STRN4: variants seen among roughly 807,000 people sequenced by gnomAD.
STRN4 encodes striatin 4, also known as striatin-4.
Under a neutral mutation model 77.9 loss-of-function variants are expected in STRN4, and 27 were observed. The observed-to-expected ratio is 0.35, with a 90% CI of 0.26 to 0.48. STRN4 has a LOEUF of 0.48. STRN4 is among the 20% of genes least tolerant of loss of function. The pLI is 0.99. For synonymous variants in STRN4, 466 were observed against 443.1 expected, an observed-to-expected ratio of 1.05 and a Z score of -0.65; for missense variants, 798 against 1,049.7, an observed-to-expected ratio of 0.76 and a Z score of 3.31.
At position 46,736,837 on chromosome 19, in the gene STRN4, C is replaced by T; in HGVS notation, c.525G>A (p.Arg175=). 1 of 1,613,080 alleles carries T rather than the reference C, an allele frequency of 6.2e-7. No homozygotes were observed. ...AGCACACTCACTGTCGGAGAAGCTGCCGCCCCTCCTTCCACACCAACGGGC... is the reference window on the plus strand; with the variant it reads ...AGCACACTCACTGTCGGAGAAGCTGTCGCCCCTCCTTCCACACCAACGGGC... ...ENSPLVWKEG[R]QLLRQYLEEV... Residue 175 remains arginine, a synonymous_variant, in exon 4 of 18, where the codon CGG becomes CGA. Transcript: ENST00000263280.
chr19:46,732,720 C>T (rs2054280221), intron 5 of STRN4: 1 of 353,886 alleles, frequency 2.8e-6, no homozygotes, highest in African/African-American at 2.1e-5. Flanking sequence ...CACGTGTGCT[C>T]CACTCCCTGC....
intron 4 of STRN4, among the ~76,000 whole-genome samples, chr19:46,734,362 A>G (rs1434178629): frequency 2.0e-5 from 3 of 152,188 alleles, no homozygotes; most frequent in Non-Finnish European, 2.9e-5. Context: ...TAGTATTACT[A>G]TTATTGTTTT....
chr19:46,733,365 A>G lies in STRN4; in HGVS notation c.540-129T>C, dbSNP rs2054294653. On this transcript the variant is annotated intron_variant, in intron 4 of 17. Coordinates refer to ENST00000263280, the MANE Select transcript of STRN4 (RefSeq NM_013403.3). This position sits in a 1 kb window ranked among gnomAD's most constrained non-coding sequence, Gnocchi z 4.3. The stretch of plus-strand genomic sequence containing the variant: ...GCATACACCAAAATCTGACATAAGC[A>G]CACCCTCGCTCCAGCAGTTCCCCGT... 1.2e-6 allele frequency: 1 copy of G among 801,794 alleles called. No homozygotes were observed. Among genetic ancestry groups the G allele is most frequent in the African/African-American group, 1.7e-5 (1 of 58,266 alleles). 49.7% of individuals were successfully genotyped at this position (801,794 alleles called of 1,614,324 possible).
rs371419486 is a variant in STRN4, at chr19:46,724,939, C to G, written c.1473-11G>C. On this transcript the variant is annotated splice_polypyrimidine_tract_variant and intron_variant, in intron 11 of 17. Transcript: ENST00000263280. Reference sequence around the variant, plus strand: ...GCCAACACTGGGCCCCTGGAAGGGACAAATATGTGGAAAGGGGGATGAGAC... The same window carrying G: ...GCCAACACTGGGCCCCTGGAAGGGAGAAATATGTGGAAAGGGGGATGAGAC... 7 of 1,613,668 alleles carry G rather than the reference C, an allele frequency of 4.3e-6. No homozygotes were observed. Among genetic ancestry groups the G allele is most frequent in the Non-Finnish European group, 5.9e-6 (7 of 1,180,008 alleles).
intron 1 of STRN4, among the ~76,000 whole-genome samples, chr19:46,744,460 C>T (rs772393555): frequency 2.6e-5 from 4 of 152,040 alleles, no homozygotes; most frequent in Admixed American, 6.5e-5. Context: ...CATGGCTCAC[C>T]GCAGCCTCAA....
chr19:46,720,772 C>A lies in STRN4; in HGVS notation c.2093-1G>T. 6.4e-7 allele frequency: 1 copy of A among 1,574,516 alleles called. No homozygotes were observed. The highest frequency in any genetic ancestry group is 1.2e-5 in the South Asian group (1 of 85,338). ...CAGAGACGCAGGGAGCAGTCATGGC[C>A]TGCACATGTGTCGGGGACAGAAGGG... On this transcript the variant is annotated splice_acceptor_variant, in intron 16 of 17. Transcript: ENST00000263280. LOFTEE classifies it high-confidence loss of function.
Position 46,738,389 on chromosome 19 carries a change from C to T in STRN4, c.387-152G>A, listed in dbSNP as rs2054411430. ...TGAAGCATCCCCCCACACCCCTGGC[C>T]TGGTGGAAGAAACCACTCCCTGGAG... On this transcript the variant is annotated intron_variant, in intron 2 of 17. Transcript: ENST00000263280. This position sits in a 1 kb window ranked among gnomAD's most constrained non-coding sequence, Gnocchi z 4.5. The T allele has an allele frequency of 5.0e-6, 4 of 793,950 alleles. No individual in the cohort carries two copies. Among genetic ancestry groups the T allele is most frequent in the Non-Finnish European group, 8.3e-6 (4 of 479,388 alleles). The allele number at this position is 793,950 out of a possible 1,614,324, so 49.2% of individuals were successfully genotyped here.
At chr19:46,734,834 T>G (rs2054326594) in intron 4 of STRN4, among the ~76,000 whole-genome samples, 1 of 152,050 alleles carries the variant, frequency 6.6e-6, no homozygotes, top group Non-Finnish European at 1.5e-5. Flanking sequence ...CCGGCTAATT[T>G]TTTGTATTTT....
At chr19:46,734,635 T>C (rs1005604454) in intron 4 of STRN4, among the ~76,000 whole-genome samples, 1 of 152,138 alleles carries the variant, frequency 6.6e-6, no homozygotes, top group East Asian at 1.9e-4. Flanking sequence ...TGATGCAACA[T>C]AACTAATTAA....
At chr19:46,731,304 A>G (rs1377503372) in intron 5 of STRN4, among the ~76,000 whole-genome samples, 1 of 152,176 alleles carries the variant, frequency 6.6e-6, no homozygotes, top group African/African-American at 2.4e-5. Context: ...GCCATTCTAC[A>G]AATGCTCTGG....
In STRN4 at chr19:46,720,522, G is replaced by A; in HGVS notation, c.*66+14C>T. ...GGCGTGCAGAGACTCAGAATGCGGG[G>A]TTTCTGCCCTCACCTCAGCCCCACC... On this transcript the variant is annotated intron_variant, in intron 17 of 17. Transcript: ENST00000263280. 1 of 1,436,386 alleles carries A rather than the reference G, an allele frequency of 7.0e-7. No individual in the cohort carries two copies. The highest frequency in any genetic ancestry group is 9.2e-7 in the Non-Finnish European group (1 of 1,092,874). The allele number at this position is 1,436,386 out of a possible 1,614,324, so 89.0% of individuals were successfully genotyped here. A position where few individuals can be genotyped will look rare whatever the true frequency, so the allele number is the denominator to read the frequency against.
chr19:46,725,364 A>T lies in STRN4; in HGVS notation c.1440T>A (p.Asp480Glu), dbSNP rs771604042. The stretch of plus-strand genomic sequence containing the variant: ...CCCGGAAAGCATGTATAGGTTCCAC[A>T]TCTAGCGCCGCATTCCTGTGGGATG... Reference protein sequence around the residue: ...AVTAKKNAALDVEPIHAFRAH... With the variant: ...AVTAKKNAALEVEPIHAFRAH... The change falls in exon 11 of 18, where the codon GAT becomes GAA. Residue 480 changes from aspartate (D) to glutamate (E), a missense_variant. By Grantham distance (45) the Asp-to-Glu change is conservative. This residue lies in a region of STRN4 where 287 missense variants were observed against 473.8 expected (regional missense o/e 0.61). Coordinates refer to ENST00000263280, the MANE Select transcript of STRN4 (RefSeq NM_013403.3). The T allele has an allele frequency of 6.2e-7, 1 of 1,614,148 alleles. No homozygotes were observed. The highest frequency in any genetic ancestry group is 8.5e-7 in the Non-Finnish European group (1 of 1,180,026).
At chr19:46,728,480 C>T (rs970500225) in intron 7 of STRN4, 138 bp downstream of exon 7, 1 of 1,240,874 alleles carries the variant, frequency 8.1e-7, no homozygotes, top group Non-Finnish European at 1.1e-6. Flanking sequence ...TCCTGCTCTC[C>T]TTGGCTACCC....
In STRN4 at chr19:46,733,608, G is replaced by T. The variant is rs535415608; in HGVS notation, c.540-372C>A. The stretch of plus-strand genomic sequence containing the variant: ...CCACGGTAAACAGCAGAACGAAAAC[G>T]CTAAGTTCTATGATCCACATGATGC... On this transcript the variant is annotated intron_variant, in intron 4 of 17. Coordinates refer to ENST00000263280, the MANE Select transcript of STRN4 (RefSeq NM_013403.3). The surrounding 1 kb of genome is among the most constrained non-coding windows in gnomAD (Gnocchi z 4.3). Among the ~76,000 whole-genome samples, 4 of 152,166 alleles carry T rather than the reference G, an allele frequency of 2.6e-5. No homozygotes were observed. Among genetic ancestry groups the T allele is most frequent in the Non-Finnish European group, 5.9e-5 (4 of 68,008 alleles).
chr19:46,745,095 C>T (rs1172430418), intron 1 of STRN4, among the ~76,000 whole-genome samples: 2 of 150,208 alleles, frequency 1.3e-5, no homozygotes, highest in Admixed American at 1.3e-4. Flanking sequence ...CTACAAAATT[C>T]TCCCCCCTAA....
intron 1 of STRN4, among the ~76,000 whole-genome samples, chr19:46,739,131 CCT>C (rs1205298643): frequency 1.3e-5 from 2 of 152,218 alleles, no homozygotes; most frequent in African/African-American, 2.4e-5. Flanking sequence ...GCCCTTAACC[CCT>C]GAGATAACAA....
At chr19:46,727,424 C>T (rs769124543) in intron 9 of STRN4, 28 bp downstream of exon 9, 3 of 1,593,810 alleles carry the variant, frequency 1.9e-6, no homozygotes, top group Non-Finnish European at 2.6e-6. Context: ...CCAATGGGGA[C>T]AGTGTGGGGG....
chr19:46,729,567 G>A (rs888850800), intron 6 of STRN4, among the ~76,000 whole-genome samples: 46 of 152,334 alleles, frequency 3.0e-4, no homozygotes, highest in African/African-American at 1.1e-3. Flanking sequence ...AATGGGGAAG[G>A]GGAGGGTTTA....
In STRN4 at chr19:46,739,959, T is replaced by G. The variant is rs371435327; in HGVS notation, c.283-1071A>C. Among the ~76,000 whole-genome samples the G allele has an allele frequency of 5.9e-5, 9 of 152,184 alleles. No individual in the cohort carries two copies. In the South Asian group the frequency reaches 1.9e-3, roughly 32 times the overall value. On this transcript the variant is annotated intron_variant, in intron 1 of 17. Transcript: ENST00000263280. Reference sequence around the variant, plus strand: ...AATGGGCCCAGTTCCTTACGGGAGGTAGGATCCCTTGGAGACCCCAGATCA... The same window carrying G: ...AATGGGCCCAGTTCCTTACGGGAGGGAGGATCCCTTGGAGACCCCAGATCA...
Sources: gnomAD v4.1 joint callset for allele counts (sites outside exome capture counted in the v4.1 genomes callset) on GRCh38, gnomAD v4.1.1 for gene constraint, gnomAD v4.1.1 regional missense constraint, Gnocchi (gnomAD v3.1) non-coding constraint, MANE v1.5 for transcripts, NCBI Gene and HGNC (gene_info 2026-07-23, HGNC 2026-07-21) for gene names.